ASB15: variants seen among roughly 807,000 people sequenced by gnomAD.
ASB15 encodes the protein ankyrin repeat and SOCS box protein 15.
In ASB15, 54 loss-of-function variants were observed where a neutral mutation model predicts 58.0. The ratio of observed to expected loss-of-function variants is 0.93; its 90% CI spans 0.75 to 1.17. The LOEUF is 1.17. Ranked by LOEUF, ASB15 falls within the 50% of genes most tolerant of loss-of-function variation. The pLI is 0.00. For synonymous variants in ASB15, 249 were observed against 262.4 expected, an observed-to-expected ratio of 0.95 and a Z score of 0.50; for missense variants, 680 against 707.4, an observed-to-expected ratio of 0.96 and a Z score of 0.44.
intron 4 of ASB15, among the ~76,000 whole-genome samples, 171 bp from the exon 5 acceptor site, chr7:123,616,050 G>A (rs1290493813): frequency 6.6e-6 from 1 of 152,098 alleles, no homozygotes; most frequent in East Asian, 1.9e-4. Flanking sequence ...TATACTCTGT[G>A]TCTGACTCCC....
chr7:123,579,915 A>G (rs560508628), intron 1 of ASB15, among the ~76,000 whole-genome samples: 113 of 152,190 alleles, frequency 7.4e-4, no homozygotes, highest in African/African-American at 2.5e-3. Context: ...TTTAATTCTC[A>G]TTTATTGAAT....
intron 2 of ASB15, among the ~76,000 whole-genome samples, 160 bp downstream of exon 2, chr7:123,604,372 A>G (rs529783858): frequency 2.2e-4 from 33 of 152,124 alleles, no homozygotes; most frequent in South Asian, 4.1e-4. Flanking sequence ...ACCTGAGGTC[A>G]GGAGTTCAAG....
At chr7:123,601,037 T>C (rs1303160343), upstream of ASB15, among the ~76,000 whole-genome samples, 3 of 152,146 alleles carry the variant, frequency 2.0e-5, no homozygotes, top group African/African-American at 7.2e-5. Context: ...CACTGAGACC[T>C]GCAAAACGAG....
rs373669636 is a variant in ASB15, at chr7:123,629,433, C to T, written c.1439C>T (p.Pro480Leu). The change falls in exon 10 of 12, where the codon CCG becomes CTG. Residue 480 changes from proline to leucine, a missense_variant and splice_region_variant. Physicochemically the swap from Pro to Leu is moderately conservative, Grantham distance 98. Transcript: ENST00000451215. ...GWTSCVIKDN[P>L]FCEFITVPWM... The stretch of plus-strand genomic sequence containing the variant: ...ACATCTTGTGTAATAAAAGATAACC[C>T]GGTGAGTTATGCCTTTTCTGCTTTA... 3.8e-5 allele frequency: 60 copies of T among 1,597,542 alleles called. 1 individual carries two copies. In the South Asian group the frequency reaches 6.0e-4, roughly 16 times the overall value.
At position 123,604,056 on chromosome 7, in the gene ASB15, G is replaced by A. The variant is rs887558934; in HGVS notation, c.-220G>A. 6.6e-6 allele frequency: 1 copy of A among 152,206 alleles called. No individual in the cohort carries two copies. The highest frequency in any genetic ancestry group is 1.5e-5 in the Non-Finnish European group (1 of 68,058). The allele number at this position is 152,206 out of a possible 1,614,324, so 9.4% of individuals were successfully genotyped here. On this transcript the variant is annotated 5_prime_UTR_variant, in exon 2 of 12. Coordinates refer to ENST00000451215, the MANE Select transcript of ASB15 (RefSeq NM_001290258.2). ...GGAAAGCAGTCAAGACAGTGCAGGA[G>A]GTGAGGCCATCTTATAGGAAGAGCA...
intron 1 of ASB15, among the ~76,000 whole-genome samples, chr7:123,593,570 CTT>C (rs992639327): frequency 6.6e-6 from 1 of 151,400 alleles, no homozygotes. Context: ...GTTGAAAATT[CTT>C]TTTTTTTCTT....
At chr7:123,581,492 C>T (rs1226826567) in intron 1 of ASB15, among the ~76,000 whole-genome samples, 2 of 150,766 alleles carry the variant, frequency 1.3e-5, no homozygotes, top group African/African-American at 2.4e-5. Flanking sequence ...CAACTTAAGT[C>T]CTAAGGGCAC....
intron 3 of ASB15, among the ~76,000 whole-genome samples, chr7:123,611,107 AAAG>A (rs1181060921): frequency 1.3e-5 from 2 of 151,260 alleles, no homozygotes; most frequent in Non-Finnish European, 1.5e-5. Context: ...AAAAAAAAGA[AAAG>A]AAAAATCAAT....
At chr7:123,630,183 A>G in intron 11 of ASB15, 64 bp downstream of exon 11, 1 of 1,270,070 alleles carries the variant, frequency 7.9e-7, no homozygotes, top group Admixed American at 2.4e-5. Context: ...AAATTTCTTA[A>G]TGTCTTCTTT....
chr7:123,631,203 ATTC>A (rs1802098474), intron 11 of ASB15, among the ~76,000 whole-genome samples: 3 of 152,176 alleles, frequency 2.0e-5, no homozygotes. Context: ...CAAGTTACTT[ATTC>A]TTCTTATGCC....
intron 3 of ASB15, 163 bp from the exon 4 acceptor site, chr7:123,614,338 C>T (rs191082226): frequency 4.2e-4 from 236 of 555,754 alleles, no homozygotes; most frequent in Admixed American, 3.0e-3. Context: ...AAATGGACCT[C>T]ACAAGTAATG....
At chr7:123,606,618 C>T (rs1045360494) in intron 2 of ASB15, among the ~76,000 whole-genome samples, 1 of 152,146 alleles carries the variant, frequency 6.6e-6, no homozygotes, top group African/African-American at 2.4e-5. Flanking sequence ...TACCCCTTGG[C>T]CAGCACCTCC....
At chr7:123,616,763 A>G (rs1019019106) in intron 6 of ASB15, among the ~76,000 whole-genome samples, 2 of 152,148 alleles carry the variant, frequency 1.3e-5, no homozygotes, top group Non-Finnish European at 1.5e-5. Flanking sequence ...AAAAGTGATA[A>G]AAGTTTCTAT....
At chr7:123,618,876 G>A (rs941887859) in intron 7 of ASB15, among the ~76,000 whole-genome samples, 6 of 149,944 alleles carry the variant, frequency 4.0e-5, no homozygotes, top group Non-Finnish European at 4.5e-5. Context: ...TGTAAAAAAC[G>A]TATTAAGAAG....
intron 11 of ASB15, among the ~76,000 whole-genome samples, chr7:123,633,554 C>T (rs1802241699): frequency 6.6e-6 from 1 of 152,006 alleles, no homozygotes; most frequent in Non-Finnish European, 1.5e-5. Flanking sequence ...TTAGAAATAA[C>T]AATATAAACT....
At chr7:123,621,713 C>G (rs879811805) in intron 7 of ASB15, among the ~76,000 whole-genome samples, 3 of 152,180 alleles carry the variant, frequency 2.0e-5, no homozygotes, top group Non-Finnish European at 4.4e-5. Context: ...CCATCTGGCC[C>G]TTCCTTATTT....
intron 11 of ASB15, among the ~76,000 whole-genome samples, chr7:123,634,871 A>G (rs1007631788): frequency 2.0e-5 from 3 of 152,196 alleles, no homozygotes; most frequent in Non-Finnish European, 2.9e-5. Context: ...TAGTTTTGCC[A>G]AAGAGATCAA....
At position 123,637,001 on chromosome 7, in the gene ASB15, AT is replaced by A. The variant is rs1372357336; in HGVS notation, c.*23del. On this transcript the variant is annotated 3_prime_UTR_variant, in exon 12 of 12. Coordinates refer to ENST00000451215, the MANE Select transcript of ASB15 (RefSeq NM_001290258.2). ...ACATAACTTAATATTTTAAAATGTG[AT>A]TTAAAAAAAATGTTGAAATGTGATT... 3 of 1,453,844 alleles carry A rather than the reference AT, an allele frequency of 2.1e-6. No individual in the cohort carries two copies. Among genetic ancestry groups the A allele is most frequent in the African/African-American group, 2.9e-5 (2 of 69,970 alleles). The allele number at this position is 1,453,844 out of a possible 1,614,324, so 90.1% of individuals were successfully genotyped here.
At chr7:123,592,171 A>G (rs1262774040) in intron 1 of ASB15, among the ~76,000 whole-genome samples, 1 of 151,940 alleles carries the variant, frequency 6.6e-6, no homozygotes, top group Non-Finnish European at 1.5e-5. Context: ...TATTGCATCT[A>G]TTTGATTCTT....
Sources: allele counts gnomAD v4.1 joint callset (sites outside exome capture counted in the v4.1 genomes callset), GRCh38; gene constraint gnomAD v4.1.1; transcripts MANE v1.5; gene names NCBI Gene and HGNC (gene_info 2026-07-23, HGNC 2026-07-21).